Variants in DNM3 observed in about 807,000 individuals in gnomAD.
DNM3 encodes the protein dynamin 3, also known as dynamin-3.
A neutral mutation model predicts 101.6 loss-of-function variants in DNM3; 47 were observed. That is an observed-to-expected ratio of 0.46 (90% CI 0.37 to 0.59). The LOEUF (loss-of-function observed/expected upper bound fraction) is 0.59. Among genes scored for constraint, DNM3 ranks in the 20% least tolerant of loss-of-function variants. The pLI is 0.00. For missense variants in DNM3, 849 were observed against 1,085.7 expected (o/e 0.78, Z 3.06); for synonymous variants, 385 against 387.9 (o/e 0.99, Z 0.09).
At chr1:172,002,995 G>A (rs1233168424) in intron 4 of DNM3, among the ~76,000 whole-genome samples, 1 of 151,912 alleles carries the variant, frequency 6.6e-6, no homozygotes, top group Non-Finnish European at 1.5e-5. Flanking sequence ...GCTCTTTGTG[G>A]AGTTTGAATG....
intron 1 of DNM3, among the ~76,000 whole-genome samples, chr1:171,849,295 C>A (rs745356301): frequency 6.6e-6 from 1 of 152,166 alleles, no homozygotes; most frequent in African/African-American, 2.4e-5. Context: ...CTCCTCATTA[C>A]GGAATCTAGC....
Position 172,032,526 on chromosome 1 carries a change from C to CTTT in DNM3, c.688+53_688+55dup, listed in dbSNP as rs750270768. 93 of 360,740 alleles carry CTTT rather than the reference C, an allele frequency of 2.6e-4. 1 individual carries two copies. Among genetic ancestry groups the CTTT allele is most frequent in the Middle Eastern group, 1.0e-3 (1 of 974 alleles). The allele number at this position is 360,740 out of a possible 1,614,324, so 22.3% of individuals were successfully genotyped here. On this transcript the variant is annotated intron_variant, in intron 5 of 20. Transcript: ENST00000627582. ...GTAATGTACTGTGGTCTATACAAGA[C>CTTT]TTTTTTTTTTTTTTTTTTTTTTTTT...
rs185025591 is a variant in DNM3, at chr1:172,028,982, A to G, written c.590-3420A>G. 2.3e-3 allele frequency among the ~76,000 whole-genome samples: 351 copies of G among 152,314 alleles called. 8 individuals carry two copies. Among genetic ancestry groups the G allele is most frequent in the Admixed American group, 0.021 (319 of 15,296 alleles). ...CACAGCCAAATTCTACCAGAGGTAC[A>G]AAGAGGAGCTGGTAGCATTCCTTCT... On this transcript the variant is annotated intron_variant, in intron 4 of 20. Coordinates refer to ENST00000627582, the MANE Select transcript of DNM3 (RefSeq NM_015569.5).
intron 14 of DNM3, among the ~76,000 whole-genome samples, chr1:172,202,316 A>C (rs12135520): frequency 6.6e-6 from 1 of 152,008 alleles, no homozygotes; most frequent in Non-Finnish European, 1.5e-5. Context: ...GGTGCAATTC[A>C]TCTGTGAAAC....
chr1:172,268,233 C>A (rs1439697600), intron 15 of DNM3, among the ~76,000 whole-genome samples: 2 of 151,074 alleles, frequency 1.3e-5, no homozygotes, highest in Non-Finnish European at 2.9e-5. Context: ...TGTGCTTTCC[C>A]TGTTAAGGGG....
At chr1:172,315,092 C>G (rs368806074) in intron 16 of DNM3, among the ~76,000 whole-genome samples, 1 of 152,204 alleles carries the variant, frequency 6.6e-6, no homozygotes, top group African/African-American at 2.4e-5. Flanking sequence ...TGAAAATCCA[C>G]GGTTCTGCAG....
intron 2 of DNM3, among the ~76,000 whole-genome samples, chr1:171,968,216 A>G (rs1440985852): frequency 6.6e-6 from 1 of 152,224 alleles, no homozygotes; most frequent in Non-Finnish European, 1.5e-5. Flanking sequence ...TCTAATCAGT[A>G]TGATTCTGTG....
At chr1:172,078,106 T>G (rs2052818712) in intron 11 of DNM3, among the ~76,000 whole-genome samples, 1 of 152,052 alleles carries the variant, frequency 6.6e-6, no homozygotes. Context: ...TTGTTATTGT[T>G]TTTTTAGATG....
chr1:172,174,582 A>G (rs906044819), intron 14 of DNM3, among the ~76,000 whole-genome samples: 2 of 151,652 alleles, frequency 1.3e-5, no homozygotes, highest in Non-Finnish European at 3.0e-5. Context: ...TCTCAGTGTT[A>G]GAGTTGGTGT....
chr1:171,916,815 G>A (rs985227077), intron 1 of DNM3, among the ~76,000 whole-genome samples: 4 of 152,192 alleles, frequency 2.6e-5, no homozygotes, highest in Non-Finnish European at 4.4e-5. Flanking sequence ...GTCTGTTCTG[G>A]CTTCCTTCTG....
At chr1:172,134,052 G>A (rs537997795) in intron 14 of DNM3, among the ~76,000 whole-genome samples, 33 of 152,310 alleles carry the variant, frequency 2.2e-4, no homozygotes, top group Non-Finnish European at 3.8e-4. Flanking sequence ...GGGTGGATGC[G>A]TGAAGGGAGC....
chr1:172,368,459 C>T (rs559076778), intron 17 of DNM3, among the ~76,000 whole-genome samples: 18 of 151,790 alleles, frequency 1.2e-4, no homozygotes, highest in East Asian at 2.0e-4. Context: ...TCAAATCCTA[C>T]GCAATACAGC....
intron 11 of DNM3, among the ~76,000 whole-genome samples, chr1:172,080,144 G>A (rs967833765): frequency 2.0e-5 from 3 of 152,152 alleles, no homozygotes; most frequent in Non-Finnish European, 2.9e-5. Context: ...AGCAGAGCTC[G>A]AGCACTGTGC....
chr1:171,979,501 T>C (rs148327778), intron 2 of DNM3, among the ~76,000 whole-genome samples: 78 of 152,342 alleles, frequency 5.1e-4, no homozygotes, highest in African/African-American at 1.8e-3. Context: ...TGATTTTTGT[T>C]ATACTCTTTG....
intron 4 of DNM3, among the ~76,000 whole-genome samples, chr1:172,024,205 A>C (rs1174232159): frequency 6.6e-6 from 1 of 151,778 alleles, no homozygotes; most frequent in Non-Finnish European, 1.5e-5. Context: ...AAAAGTTTCT[A>C]TTGTGACCAA....
chr1:172,186,958 G>A (rs1215535985), intron 14 of DNM3, among the ~76,000 whole-genome samples: 2 of 152,042 alleles, frequency 1.3e-5, no homozygotes, highest in Non-Finnish European at 2.9e-5. Context: ...CATCCAGGTT[G>A]TCCTCTCTGA....
At chr1:172,242,807 C>G (rs2061798833) in intron 14 of DNM3, among the ~76,000 whole-genome samples, 1 of 152,104 alleles carries the variant, frequency 6.6e-6, no homozygotes. Context: ...ACTACCATAC[C>G]CACGCATGTG....
chr1:171,916,172 A>G (rs1398645978), intron 1 of DNM3, among the ~76,000 whole-genome samples: 1 of 152,226 alleles, frequency 6.6e-6, no homozygotes. Context: ...CACAGATGCT[A>G]GAGTTAGACT....
Position 172,316,869 on chromosome 1 carries a change from C to T in DNM3, c.1882-6460C>T, listed in dbSNP as rs893935145. ...AACAAGGATACCCAGGAATTGAACT[C>T]AGCTCTGCACCAAGCGGACCTAATA... On this transcript the variant is annotated intron_variant, in intron 16 of 20. Coordinates refer to ENST00000627582, the MANE Select transcript of DNM3 (RefSeq NM_015569.5). 4.6e-5 allele frequency among the ~76,000 whole-genome samples: 7 copies of T among 152,312 alleles called. No individual in the cohort carries two copies. The East Asian group carries it at 1.3e-3, about 29-fold the overall frequency.
Sources: allele counts gnomAD v4.1 joint callset (sites outside exome capture counted in the v4.1 genomes callset), GRCh38; gene constraint gnomAD v4.1.1; transcripts MANE v1.5; gene names NCBI Gene and HGNC (gene_info 2026-07-23, HGNC 2026-07-21).